H2AC17: variants seen among roughly 807,000 people sequenced by gnomAD.
H2AC17 encodes H2A clustered histone 17.
H2AC17 carries 10 observed loss-of-function variants against 6.3 expected under a neutral mutation model. The observed-to-expected ratio is 1.58, with a 90% CI of 0.97 to 2.68. The LOEUF is 2.68. H2AC17 is among the 30% of genes most tolerant of loss of function. H2AC17 has a pLI of 0.00. For synonymous variants in H2AC17, 138 were observed against 78.3 expected (o/e 1.76, Z -4.02); for missense variants, 207 against 176.0 (o/e 1.18, Z -1.00).
At position 27,892,840 on chromosome 6, in the gene H2AC17, C is replaced by G; in HGVS notation, c.310G>C (p.Ala104Pro). ...ATGTTAGGCAGAACACCGCCCTGAG[C>G]GATGGTAACTTTACCAAGCAGCTTG... ...LNKLLGKVTI[A>P]QGGVLPNIQA... The change falls in exon 1 of 1, where the codon GCT becomes CCT. Residue 104 changes from alanine (A) to proline (P), a missense_variant. This residue lies in a region of H2AC17 where 53 missense variants were observed against 47.3 expected (regional missense o/e 1.12). Coordinates refer to ENST00000359611, the MANE Select transcript of H2AC17 (RefSeq NM_003514.2). 1.9e-6 allele frequency: 3 copies of G among 1,614,230 alleles called. No individual in the cohort carries two copies. Among genetic ancestry groups the G allele is most frequent in the Non-Finnish European group, 2.5e-6 (3 of 1,180,046 alleles).
At position 27,892,729 on chromosome 6, in the gene H2AC17, G is replaced by GT; in HGVS notation, c.*27dup. 1 of 1,610,354 alleles carries GT rather than the reference G, an allele frequency of 6.2e-7. No homozygotes were observed. The highest frequency in any genetic ancestry group is 8.5e-7 in the Non-Finnish European group (1 of 1,179,058). The stretch of plus-strand genomic sequence containing the variant: ...GGCTCTGAAAAGAGCCTTTTGTCTT[G>GT]TAAGTTTACATTTTTAAAGTTCAGC... On this transcript the variant is annotated 3_prime_UTR_variant, in exon 1 of 1. Transcript: ENST00000359611.
In H2AC17 at chr6:27,892,791, T is replaced by G; in HGVS notation, c.359A>C (p.Lys120Thr). The G allele has an allele frequency of 6.2e-7, 1 of 1,614,236 alleles. No individual in the cohort carries two copies. Among genetic ancestry groups the G allele is most frequent in the Non-Finnish European group, 8.5e-7 (1 of 1,180,034 alleles). Residue 120 changes from lysine (K) to threonine (T), a missense_variant, in exon 1 of 1, where the codon AAG (lysine) becomes ACG (threonine). This residue lies in a region of H2AC17 where 53 missense variants were observed against 47.3 expected (regional missense o/e 1.12). Coordinates refer to ENST00000359611, the MANE Select transcript of H2AC17 (RefSeq NM_003514.2). ...CTTAGCTTTGTGGTGGCTCTCAGTC[T>G]TCTTGGGGAGCAGTACGGCCTGGAT... ...PNIQAVLLPK[K>T]TESHHKAKGK
chr6:27,893,128 C>A lies in H2AC17; in HGVS notation c.22G>T (p.Gly8Cys), dbSNP rs1251694908. MSGRGKQ[G>C]GKARAKAKTR... ...TTGGCCTTGGCGCGAGCCTTGCCGC[C>A]CTGCTTGCCACGTCCAGACATGGTA... is the stretch of plus-strand genomic sequence containing the variant. The change falls in exon 1 of 1, where the codon GGC becomes TGC. Residue 8 changes from glycine (G) to cysteine (C), a missense_variant. Gly to Cys is a radical substitution (Grantham distance 159). Transcript: ENST00000359611. 1 of 1,602,974 alleles carries A rather than the reference C, an allele frequency of 6.2e-7. No homozygotes were observed. The highest frequency in any genetic ancestry group is 8.5e-7 in the Non-Finnish European group (1 of 1,174,068).
chr6:27,892,907 C>T lies in H2AC17; in HGVS notation c.243G>A (p.Pro81=). 6.2e-7 allele frequency: 1 copy of T among 1,614,120 alleles called. No individual in the cohort carries two copies. Among genetic ancestry groups the T allele is most frequent in the Non-Finnish European group, 8.5e-7 (1 of 1,180,006 alleles). The change falls in exon 1 of 1, where the codon CCG becomes CCA. Residue 81 remains proline (P), a synonymous_variant. Coordinates refer to ENST00000359611, the MANE Select transcript of H2AC17 (RefSeq NM_003514.2). ...ARDNKKTRII[P]RHLQLAIRND... ...TGCGGATGGCCAGCTGCAAGTGGCGCGGGATGATGCGGGTCTTTTTGTTGT... is the reference window on the plus strand; with the variant it reads ...TGCGGATGGCCAGCTGCAAGTGGCGTGGGATGATGCGGGTCTTTTTGTTGT...
chr6:27,892,852 T>C lies in H2AC17; in HGVS notation c.298A>G (p.Lys100Glu). 1 of 1,614,222 alleles carries C rather than the reference T, an allele frequency of 6.2e-7. No homozygotes were observed. The highest frequency in any genetic ancestry group is 8.5e-7 in the Non-Finnish European group (1 of 1,180,038). The change falls in exon 1 of 1, where the codon AAA (lysine) becomes GAA (glutamate). Residue 100 changes from lysine (K) to glutamate (E), a missense_variant. By Grantham distance (56) the Lys-to-Glu change is moderately conservative. Transcript: ENST00000359611. ...ACACCGCCCTGAGCGATGGTAACTTTACCAAGCAGCTTGTTGAGCTCCTCG... is the reference window on the plus strand; with the variant it reads ...ACACCGCCCTGAGCGATGGTAACTTCACCAAGCAGCTTGTTGAGCTCCTCG... ...NDEELNKLLGKVTIAQGGVLP... is the reference protein window; with the variant it reads ...NDEELNKLLGEVTIAQGGVLP...
Position 27,893,163 on chromosome 6 carries a change from G to C in H2AC17, c.-14C>G. On this transcript the variant is annotated 5_prime_UTR_variant, in exon 1 of 1. Transcript: ENST00000359611. ...ACGTCCAGACATGGTAAAACGACCT[G>C]TGGCCTAAGTCAGAAAGTGAGTGAA... The C allele has an allele frequency of 1.3e-6, 2 of 1,565,734 alleles. No homozygotes were observed. Among genetic ancestry groups the C allele is most frequent in the Non-Finnish European group, 1.7e-6 (2 of 1,158,758 alleles).
In H2AC17 at chr6:27,892,987, C is replaced by T; in HGVS notation, c.163G>A (p.Val55Met). 6.2e-7 allele frequency: 1 copy of T among 1,614,178 alleles called. No homozygotes were observed. The highest frequency in any genetic ancestry group is 8.5e-7 in the Non-Finnish European group (1 of 1,180,040). Residue 55 changes from valine (V) to methionine (M), a missense_variant, in exon 1 of 1, where the codon GTG (valine) becomes ATG (methionine). Val to Met is a conservative substitution (Grantham distance 21). Transcript: ENST00000359611. ...GAGAPVYLAAVLEYLTAEILE... is the reference protein window; with the variant it reads ...GAGAPVYLAAMLEYLTAEILE... ...ATCTCGGCAGTTAGGTACTCCAGCA[C>T]CGCCGCCAGGTAAACCGGCGCGCCG...
At position 27,892,771 on chromosome 6, in the gene H2AC17, C is replaced by T. The variant is rs191325870; in HGVS notation, c.379G>A (p.Ala127Thr). The T allele has an allele frequency of 1.2e-6, 2 of 1,614,182 alleles. No individual in the cohort carries two copies. Among genetic ancestry groups the T allele is most frequent in the Non-Finnish European group, 1.7e-6 (2 of 1,180,032 alleles). The change falls in exon 1 of 1, where the codon GCT becomes ACT. Residue 127 changes from alanine (A) to threonine (T), a missense_variant. By Grantham distance (58) the Ala-to-Thr change is moderately conservative. Coordinates refer to ENST00000359611, the MANE Select transcript of H2AC17 (RefSeq NM_003514.2). Reference protein sequence around the residue: ...LPKKTESHHKAKGK With the variant: ...LPKKTESHHKTKGK ...AAGTTCAGCCCTTACTTGCCCTTAG[C>T]TTTGTGGTGGCTCTCAGTCTTCTTG...
rs765319409 is a variant in H2AC17, at chr6:27,893,116, G to T, written c.34C>A (p.Arg12Ser). The change falls in exon 1 of 1, where the codon CGC becomes AGC. Residue 12 changes from arginine (R) to serine (S), a missense_variant. Physicochemically the swap from Arg to Ser is moderately radical, Grantham distance 110. Coordinates refer to ENST00000359611, the MANE Select transcript of H2AC17 (RefSeq NM_003514.2). ...SGRGKQGGKA[R>S]AKAKTRSSRA... The stretch of plus-strand genomic sequence containing the variant: ...GAGGAGCGGGTTTTGGCCTTGGCGC[G>T]AGCCTTGCCGCCCTGCTTGCCACGT... The T allele has an allele frequency of 6.2e-7, 1 of 1,606,884 alleles. No homozygotes were observed. Among genetic ancestry groups the T allele is most frequent in the South Asian group, 1.1e-5 (1 of 90,476 alleles).
At position 27,892,849 on chromosome 6, in the gene H2AC17, CTT is replaced by C. The variant is rs763398287; in HGVS notation, c.299_300del (p.Lys100SerfsTer11). 2.5e-6 allele frequency: 4 copies of C among 1,614,220 alleles called. No individual in the cohort carries two copies. In the South Asian group the frequency reaches 4.4e-5, roughly 18 times the overall value. On this transcript the variant is annotated frameshift_variant, in exon 1 of 1. Coordinates refer to ENST00000359611, the MANE Select transcript of H2AC17 (RefSeq NM_003514.2). LOFTEE classifies it high-confidence loss of function. ...AGAACACCGCCCTGAGCGATGGTAA[CTT>C]TACCAAGCAGCTTGTTGAGCTCCTC... The part of the protein sequence containing the change: ...NDEELNKLLG[K>X]VTIAQGGVLP...
Position 27,892,802 on chromosome 6 carries a change from C to G in H2AC17, c.348G>C (p.Leu116=), listed in dbSNP as rs771133764. 1 of 1,614,198 alleles carries G rather than the reference C, an allele frequency of 6.2e-7. No homozygotes were observed. ...GGTGGCTCTCAGTCTTCTTGGGGAG[C>G]AGTACGGCCTGGATGTTAGGCAGAA... is the stretch of plus-strand genomic sequence containing the variant. ...GGVLPNIQAV[L]LPKKTESHHK... Residue 116 remains leucine (L), a synonymous_variant, in exon 1 of 1, where the codon CTG becomes CTC. Transcript: ENST00000359611.
In H2AC17 at chr6:27,892,943, G is replaced by A. The variant is rs2113586343; in HGVS notation, c.207C>T (p.Asn69=). ...LTAEILELAG[N]AARDNKKTRI... is the part of the protein sequence containing the mutation. The stretch of plus-strand genomic sequence containing the variant: ...GGGTCTTTTTGTTGTCGCGGGCTGC[G>A]TTGCCCGCCAGCTCCAGGATCTCGG... Residue 69 remains asparagine (N), a synonymous_variant, in exon 1 of 1, where the codon AAC becomes AAT. Transcript: ENST00000359611. 1.9e-6 allele frequency: 3 copies of A among 1,614,186 alleles called. No homozygotes were observed. The highest frequency in any genetic ancestry group is 2.2e-5 in the East Asian group (1 of 44,874).
In H2AC17 at chr6:27,892,699, T is replaced by G; in HGVS notation, c.*58A>C. 6.3e-7 allele frequency: 1 copy of G among 1,592,396 alleles called. No homozygotes were observed. The highest frequency in any genetic ancestry group is 8.6e-7 in the Non-Finnish European group (1 of 1,166,636). Reference sequence around the variant, plus strand: ...GTGCTCAGTTCTTCCGTAGAAATGGTGGGTGGCTCTGAAAAGAGCCTTTTG... The same window carrying G: ...GTGCTCAGTTCTTCCGTAGAAATGGGGGGTGGCTCTGAAAAGAGCCTTTTG... On this transcript the variant is annotated 3_prime_UTR_variant, in exon 1 of 1. Coordinates refer to ENST00000359611, the MANE Select transcript of H2AC17 (RefSeq NM_003514.2).
In H2AC17 at chr6:27,892,845, G is replaced by C. The variant is rs1293786934; in HGVS notation, c.305C>G (p.Thr102Ser). 1 of 1,614,244 alleles carries C rather than the reference G, an allele frequency of 6.2e-7. No individual in the cohort carries two copies. The highest frequency in any genetic ancestry group is 8.5e-7 in the Non-Finnish European group (1 of 1,180,042). ...AGGCAGAACACCGCCCTGAGCGATG[G>C]TAACTTTACCAAGCAGCTTGTTGAG... ...EELNKLLGKV[T>S]IAQGGVLPNI... The change falls in exon 1 of 1, where the codon ACC (threonine) becomes AGC (serine). Residue 102 changes from threonine to serine, a missense_variant. Around this residue, in one of 3 missense-constraint regions of H2AC17, gnomAD observed 53 missense variants for 47.3 expected, o/e 1.12. Coordinates refer to ENST00000359611, the MANE Select transcript of H2AC17 (RefSeq NM_003514.2).
Position 27,892,746 on chromosome 6 carries a change from A to G in H2AC17, c.*11T>C. 1 of 1,611,824 alleles carries G rather than the reference A, an allele frequency of 6.2e-7. No individual in the cohort carries two copies. The highest frequency in any genetic ancestry group is 1.1e-5 in the South Asian group (1 of 90,586). ...TTTGTCTTGTAAGTTTACATTTTTA[A>G]AGTTCAGCCCTTACTTGCCCTTAGC... On this transcript the variant is annotated 3_prime_UTR_variant, in exon 1 of 1. Transcript: ENST00000359611.
chr6:27,892,778 G>A lies in H2AC17; in HGVS notation c.372C>T (p.His124=), dbSNP rs369744237. 6.2e-6 allele frequency: 10 copies of A among 1,613,962 alleles called. No homozygotes were observed. The highest frequency in any genetic ancestry group is 1.1e-5 in the South Asian group (1 of 91,062). ...AVLLPKKTES[H]HKAKGK is the part of the protein sequence containing the mutation. Reference sequence around the variant, plus strand: ...GCCCTTACTTGCCCTTAGCTTTGTGGTGGCTCTCAGTCTTCTTGGGGAGCA... The same window carrying A: ...GCCCTTACTTGCCCTTAGCTTTGTGATGGCTCTCAGTCTTCTTGGGGAGCA... Residue 124 remains histidine, a synonymous_variant, in exon 1 of 1, where the codon CAC becomes CAT. Coordinates refer to ENST00000359611, the MANE Select transcript of H2AC17 (RefSeq NM_003514.2).
Sources: allele counts gnomAD v4.1 joint callset, GRCh38; gene constraint gnomAD v4.1.1; regional missense constraint gnomAD v4.1.1; transcripts MANE v1.5; gene names NCBI Gene and HGNC (gene_info 2026-07-23, HGNC 2026-07-21).